PRSS27: variants seen among roughly 807,000 people sequenced by gnomAD.
PRSS27 encodes channel-activating protease 2.
PRSS27 carries 25 observed loss-of-function variants against 32.0 expected under a neutral mutation model. The ratio of observed to expected loss-of-function variants is 0.78; its 90% CI spans 0.57 to 1.09. The LOEUF is 1.09. Ranked by LOEUF, PRSS27 falls within the 50% of genes least tolerant of loss-of-function variation. The probability of loss-of-function intolerance (pLI) is 0.00; values close to 1 mark genes in which losing one functional copy is unlikely to be tolerated. For missense variants in PRSS27, 401 were observed against 394.9 expected (o/e 1.02, Z -0.13); for synonymous variants, 178 against 172.2 (o/e 1.03, Z -0.26).
Position 2,712,614 on chromosome 16 carries a change from G to A in PRSS27, c.*6C>T. 6.4e-7 allele frequency: 1 copy of A among 1,574,276 alleles called. No individual in the cohort carries two copies. Among genetic ancestry groups the A allele is most frequent in the Non-Finnish European group, 8.6e-7 (1 of 1,159,580 alleles). On this transcript the variant is annotated 3_prime_UTR_variant, in exon 6 of 6. Transcript: ENST00000302641. This position sits in a 1 kb window ranked among gnomAD's most constrained non-coding sequence, Gnocchi z 4.6. The stretch of plus-strand genomic sequence containing the variant: ...TCTGCTCAAGGGGCTCCTGGCCCCG[G>A]GGGTCTCACTTCTGGCCGCCCAACC...
Position 2,720,198 on chromosome 16 carries a change from C to T in PRSS27, c.-38G>A, listed in dbSNP as rs765688305. The T allele has an allele frequency of 1.9e-6, 3 of 1,559,794 alleles. No homozygotes were observed. The highest frequency in any genetic ancestry group is 1.9e-5 in the Admixed American group (1 of 52,252). Reference sequence around the variant, plus strand: ...GGCTGGGGCGCAGGGCCGTGGTCGGCGGTGGCAGAAGCGTTGGAGCACGAG... The same window carrying T: ...GGCTGGGGCGCAGGGCCGTGGTCGGTGGTGGCAGAAGCGTTGGAGCACGAG... On this transcript the variant is annotated 5_prime_UTR_variant, in exon 1 of 6. Coordinates refer to ENST00000302641, the MANE Select transcript of PRSS27 (RefSeq NM_031948.5).
chr16:2,715,796 T>G lies in PRSS27; in HGVS notation c.158A>C (p.Gln53Pro), dbSNP rs770460667. Reference sequence around the variant, plus strand: ...CCCGCAGAAGTGGCTTCCGTTGCGCTGGATGCTGACTTGCCAGGGCCACTC... The same window carrying G: ...CCCGCAGAAGTGGCTTCCGTTGCGCGGGATGCTGACTTGCCAGGGCCACTC... Reference protein sequence around the residue: ...EGEWPWQVSIQRNGSHFCGGS... With the variant: ...EGEWPWQVSIPRNGSHFCGGS... The change falls in exon 3 of 6, where the codon CAG (glutamine) becomes CCG (proline). Residue 53 changes from glutamine (Q) to proline (P), a missense_variant. By Grantham distance (76) the Gln-to-Pro change is moderately conservative (BLOSUM62 -1). Coordinates refer to ENST00000302641, the MANE Select transcript of PRSS27 (RefSeq NM_031948.5). 6.2e-7 allele frequency: 1 copy of G among 1,603,996 alleles called. No individual in the cohort carries two copies. The highest frequency in any genetic ancestry group is 1.1e-5 in the South Asian group (1 of 89,650).
chr16:2,713,047 C>T lies in PRSS27; in HGVS notation c.679-233G>A, dbSNP rs145862872. 9.0e-3 allele frequency: 4,957 copies of T among 550,918 alleles called. 41 individuals carry two copies. The highest frequency in any genetic ancestry group is 0.036 in the Middle Eastern group (77 of 2,132). 34.1% of individuals were successfully genotyped at this position (550,918 alleles called of 1,614,324 possible). A position where few individuals can be genotyped will look rare whatever the true frequency, so the allele number is the denominator to read the frequency against. On this transcript the variant is annotated intron_variant, in intron 5 of 5. Coordinates refer to ENST00000302641, the MANE Select transcript of PRSS27 (RefSeq NM_031948.5). ...GAAAATGCAGTTTCTTGTGCCCCAC[C>T]CCAGACCCACTGACTCTGATCCTTC...
intron 2 of PRSS27, chr16:2,716,155 C>T: frequency 1.8e-6 from 1 of 553,362 alleles, no homozygotes; most frequent in Non-Finnish European, 3.2e-6. Flanking sequence ...AGGGAAGGGT[C>T]TTGTCCCAGG....
At chr16:2,719,483 C>CGCAG (rs2067721871) in intron 1 of PRSS27, among the ~76,000 whole-genome samples, 1 of 152,148 alleles carries the variant, frequency 6.6e-6, no homozygotes. Flanking sequence ...TGTCCCGGCC[C>CGCAG]GCAGGGAGGG....
rs2067668208 is a variant in PRSS27, at chr16:2,712,551, CA to C, written c.*68del. 7.2e-7 allele frequency: 1 copy of C among 1,395,098 alleles called. No homozygotes were observed. Among genetic ancestry groups the C allele is most frequent in the Admixed American group, 2.4e-5 (1 of 42,334 alleles). The allele number at this position is 1,395,098 out of a possible 1,614,324, so 86.4% of individuals were successfully genotyped here. A position where few individuals can be genotyped will look rare whatever the true frequency, so the allele number is the denominator to read the frequency against. On this transcript the variant is annotated 3_prime_UTR_variant, in exon 6 of 6. Transcript: ENST00000302641. The surrounding 1 kb of genome is among the most constrained non-coding windows in gnomAD (Gnocchi z 4.6). ...GGTGCAACAGCAGCGCTGGGAGGAC[CA>C]GCAGGATGGTGTGGGCGGGCAGGCT...
intron 5 of PRSS27, chr16:2,713,151 T>C (rs764118957): frequency 8.3e-5 from 39 of 467,386 alleles, no homozygotes; most frequent in Non-Finnish European, 1.4e-4. Context: ...CAGGCTGGAG[T>C]GCACTGGCGC....
chr16:2,719,666 G>A (rs772499950), intron 1 of PRSS27, among the ~76,000 whole-genome samples: 19 of 152,136 alleles, frequency 1.2e-4, no homozygotes, highest in Non-Finnish European at 2.5e-4. Context: ...TGGGGCTTCC[G>A]GGCACAGGCA....
rs1477812309 is a variant in PRSS27, at chr16:2,717,491, A to G, written c.47-965T>C. ...CTGGCCTTGAGAGAGTCCTCTCACC[A>G]CCCCTGCACTCCACGCGTCTGATTC... On this transcript the variant is annotated intron_variant, in intron 1 of 5. Transcript: ENST00000302641. The surrounding 1 kb of genome is among the most constrained non-coding windows in gnomAD (Gnocchi z 4.1). 1 of 151,780 alleles carries G rather than the reference A, an allele frequency of 6.6e-6. No individual in the cohort carries two copies. The highest frequency in any genetic ancestry group is 1.5e-5 in the Non-Finnish European group (1 of 68,062). The allele number at this position is 151,780 out of a possible 1,614,324, so 9.4% of individuals were successfully genotyped here.
rs757494599 is a variant in PRSS27, at chr16:2,714,110, C to A, written c.463G>T (p.Gly155Cys). The A allele has an allele frequency of 2.5e-6, 4 of 1,613,752 alleles. No homozygotes were observed. The South Asian group carries it at 4.4e-5, about 18-fold the overall frequency. ...LPDPSVIFET[G>C]MNCWVTGWGS... is the part of the protein sequence containing the mutation. The stretch of plus-strand genomic sequence containing the variant: ...CAGCCAGTGACCCAGCAGTTCATGC[C>A]CGTCTCAAAGATCACCGAGGGGTCA... Residue 155 changes from glycine (G) to cysteine (C), a missense_variant, in exon 4 of 6, where the codon GGC becomes TGC. By Grantham distance (159) the Gly-to-Cys change is radical. Coordinates refer to ENST00000302641, the MANE Select transcript of PRSS27 (RefSeq NM_031948.5). This position sits in a 1 kb window ranked among gnomAD's most constrained non-coding sequence, Gnocchi z 4.7.
Position 2,713,704 on chromosome 16 carries a change from GA to G in PRSS27, c.509-7del. On this transcript the variant is annotated splice_polypyrimidine_tract_variant and splice_region_variant and intron_variant, in intron 4 of 5. Coordinates refer to ENST00000302641, the MANE Select transcript of PRSS27 (RefSeq NM_031948.5). ...CCGCGGTTCGGGCAGGAGGTCTGGA[GA>G]GGGGCGGAACAGCCCAGGGCTCAAC... The G allele has an allele frequency of 6.2e-7, 1 of 1,614,114 alleles. No homozygotes were observed. The highest frequency in any genetic ancestry group is 8.5e-7 in the Non-Finnish European group (1 of 1,179,980).
In PRSS27 at chr16:2,715,849, C is replaced by T. The variant is rs1431385853; in HGVS notation, c.105G>A (p.Met35Ile). ...CCTCCTGCGTGTCCTGCCCGCCCAC[C>T]ATTCGGTTCAGCATCCTGGGGCGAC... ...ACGRPRMLNR[M>I]VGGQDTQEGE... is the part of the protein sequence containing the mutation. The change falls in exon 3 of 6, where the codon ATG becomes ATA. Residue 35 changes from methionine to isoleucine, a missense_variant. Physicochemically the swap from Met to Ile is conservative, Grantham distance 10. Transcript: ENST00000302641. 1 of 1,599,324 alleles carries T rather than the reference C, an allele frequency of 6.3e-7. No individual in the cohort carries two copies. The highest frequency in any genetic ancestry group is 8.5e-7 in the Non-Finnish European group (1 of 1,174,168).
chr16:2,717,542 T>G lies in PRSS27; in HGVS notation c.47-1016A>C, dbSNP rs957529904. 7.2e-5 allele frequency: 11 copies of G among 152,322 alleles called. No individual in the cohort carries two copies. Among genetic ancestry groups the G allele is most frequent in the African/African-American group, 2.4e-4 (10 of 41,386 alleles). The allele number at this position is 152,322 out of a possible 1,614,324, so 9.4% of individuals were successfully genotyped here. A position where few individuals can be genotyped will look rare whatever the true frequency, so the allele number is the denominator to read the frequency against. ...TGTGGGGGCAAGATTCGCCCGTAGC[T>G]GGGGAGGGGTTAGAACAGCCACCTC... On this transcript the variant is annotated intron_variant, in intron 1 of 5. Coordinates refer to ENST00000302641, the MANE Select transcript of PRSS27 (RefSeq NM_031948.5). The surrounding 1 kb of genome is among the most constrained non-coding windows in gnomAD (Gnocchi z 4.1).
intron 1 of PRSS27, among the ~76,000 whole-genome samples, chr16:2,719,003 G>A (rs1039453202): frequency 8.5e-5 from 13 of 152,152 alleles, no homozygotes; most frequent in African/African-American, 2.7e-4. Flanking sequence ...CCTGTGATTC[G>A]CTGGTAGCTG....
In PRSS27 at chr16:2,712,867, C is replaced by T; in HGVS notation, c.679-53G>A. The stretch of plus-strand genomic sequence containing the variant: ...AGCCCACCTTGAGTTCCCAGAGACT[C>T]AGTTGCAGCCGCACAGGAGGTGTGT... On this transcript the variant is annotated intron_variant, in intron 5 of 5. Coordinates refer to ENST00000302641, the MANE Select transcript of PRSS27 (RefSeq NM_031948.5). This position sits in a 1 kb window ranked among gnomAD's most constrained non-coding sequence, Gnocchi z 4.6. 7.2e-7 allele frequency: 1 copy of T among 1,383,034 alleles called. No individual in the cohort carries two copies. Among genetic ancestry groups the T allele is most frequent in the Non-Finnish European group, 9.6e-7 (1 of 1,039,258 alleles). The allele number at this position is 1,383,034 out of a possible 1,614,324, so 85.7% of individuals were successfully genotyped here. A position where few individuals can be genotyped will look rare whatever the true frequency, so the allele number is the denominator to read the frequency against.
chr16:2,715,757 G>C lies in PRSS27; in HGVS notation c.197C>G (p.Ala66Gly). 1 of 1,581,420 alleles carries C rather than the reference G, an allele frequency of 6.3e-7. No homozygotes were observed. Residue 66 changes from alanine (A) to glycine (G), a missense_variant, in exon 3 of 6, where the codon GCG (alanine) becomes GGG (glycine). Transcript: ENST00000302641. ...GSHFCGGSLI[A>G]EQWVLTAAHC... ...CGCAGCCGTCAGGACCCACTGCTCC[G>C]CGATGAGGCTGCCCCCGCAGAAGTG...
intron 3 of PRSS27, 126 bp downstream of exon 3, chr16:2,715,591 TG>T: frequency 1.5e-6 from 1 of 676,706 alleles, no homozygotes; most frequent in Non-Finnish European, 2.3e-6. Flanking sequence ...TGGGAGGGGC[TG>T]GACCAGGAGC....
chr16:2,713,977 G>T, intron 4 of PRSS27, 88 bp downstream of exon 4: 1 of 1,371,160 alleles, frequency 7.3e-7, no homozygotes, highest in Non-Finnish European at 1.0e-6. Context: ...TATAGCAACA[G>T]GAAGATTGTG....
At chr16:2,716,361 A>G in intron 2 of PRSS27, 139 bp downstream of exon 2, 1 of 792,076 alleles carries the variant, frequency 1.3e-6, no homozygotes, top group South Asian at 1.6e-5. Context: ...TCTGGGCTCC[A>G]GTTCCACACA....
Sources: allele counts gnomAD v4.1 joint callset (sites outside exome capture counted in the v4.1 genomes callset), GRCh38; gene constraint gnomAD v4.1.1; non-coding constraint Gnocchi (gnomAD v3.1); transcripts MANE v1.5; gene names NCBI Gene and HGNC (gene_info 2026-07-23, HGNC 2026-07-21).